Variants in VAV3 observed in about 807,000 individuals in gnomAD.
VAV3 encodes the protein vav guanine nucleotide exchange factor 3.
VAV3 carries 94 observed loss-of-function variants against 131.2 expected under a neutral mutation model. The ratio of observed to expected loss-of-function variants is 0.72; its 90% confidence interval spans 0.61 to 0.85. The LOEUF (loss-of-function observed/expected upper bound fraction) is 0.85, where lower values mean the gene tolerates loss of function less well. Among genes scored for constraint, VAV3 ranks in the 40% least tolerant of loss-of-function variants. The pLI is 0.00. For synonymous variants in VAV3, 349 were observed against 342.0 expected, an observed-to-expected ratio of 1.02 and a Z score of -0.22; for missense variants, 939 against 1,002.7, an observed-to-expected ratio of 0.94 and a Z score of 0.86.
chr1:107,620,306 G>T (rs1264368161), intron 20 of VAV3, among the ~76,000 whole-genome samples: 1 of 152,116 alleles, frequency 6.6e-6, no homozygotes, highest in East Asian at 1.9e-4. Flanking sequence ...GCCACATGAT[G>T]ACATGTCAGT....
intron 1 of VAV3, among the ~76,000 whole-genome samples, chr1:107,879,972 G>A (rs552847305): frequency 6.6e-6 from 1 of 152,220 alleles, no homozygotes; most frequent in Admixed American, 6.5e-5. Context: ...ATCCCCAATT[G>A]GGTAGTGATT....
chr1:107,655,179 A>G lies in VAV3; in HGVS notation c.1778-12424T>C, dbSNP rs182153067. On this transcript the variant is annotated intron_variant, in intron 19 of 26. Transcript: ENST00000370056. ...ACACAAAGCCAAAGCAATCCTGGAC[A>G]AATGGAATAAAGCTGGAGATATCAC... Among the ~76,000 whole-genome samples, 57 of 152,264 alleles carry G rather than the reference A, an allele frequency of 3.7e-4. No individual in the cohort carries two copies. The Middle Eastern group carries it at 0.01, about 27-fold the overall frequency.
At chr1:107,853,538 T>C (rs1443979082) in intron 2 of VAV3, among the ~76,000 whole-genome samples, 1 of 152,022 alleles carries the variant, frequency 6.6e-6, no homozygotes, top group African/African-American at 2.4e-5. Context: ...CAAGTTCTTG[T>C]TTCTATACTC....
intron 15 of VAV3, among the ~76,000 whole-genome samples, chr1:107,707,404 A>T (rs888469042): frequency 6.6e-6 from 1 of 152,140 alleles, no homozygotes; most frequent in Non-Finnish European, 1.5e-5. Context: ...TACCAATAAA[A>T]CCAAACTCAT....
At chr1:107,712,908 A>C (rs551111567) in intron 15 of VAV3, among the ~76,000 whole-genome samples, 1 of 152,370 alleles carries the variant, frequency 6.6e-6, no homozygotes, top group East Asian at 1.9e-4. Flanking sequence ...TTACCACAGA[A>C]GGATTTTCTA....
chr1:107,834,673 A>G (rs1668394050), intron 2 of VAV3, among the ~76,000 whole-genome samples: 1 of 151,554 alleles, frequency 6.6e-6, no homozygotes, highest in African/African-American at 2.4e-5. Context: ...AGACCAAAAT[A>G]TTGAGTAAAC....
At chr1:107,796,627 T>G (rs969737085) in intron 2 of VAV3, among the ~76,000 whole-genome samples, 1 of 152,016 alleles carries the variant, frequency 6.6e-6, no homozygotes, top group Non-Finnish European at 1.5e-5. Flanking sequence ...ATGAATCTGT[T>G]TGGGGCCTAA....
intron 19 of VAV3, among the ~76,000 whole-genome samples, chr1:107,664,166 T>C (rs1355342470): frequency 6.6e-6 from 1 of 152,208 alleles, no homozygotes; most frequent in Non-Finnish European, 1.5e-5. Flanking sequence ...GTACAATCAC[T>C]CTTTGCCCTC....
chr1:107,634,965 AAAC>A (rs1292481625), intron 20 of VAV3, among the ~76,000 whole-genome samples: 1 of 151,734 alleles, frequency 6.6e-6, no homozygotes, highest in African/African-American at 2.4e-5. Context: ...AAAAGTCAGG[AAAC>A]AACAGGTGCT....
At chr1:107,849,023 A>G (rs1669104959) in intron 2 of VAV3, among the ~76,000 whole-genome samples, 1 of 152,182 alleles carries the variant, frequency 6.6e-6, no homozygotes, top group South Asian at 2.1e-4. Context: ...AAGGGATGTG[A>G]AGGACCTCTT....
chr1:107,778,651 G>A lies in VAV3; in HGVS notation c.380+783C>T, dbSNP rs183884387. Among the ~76,000 whole-genome samples, 48 of 152,286 alleles carry A rather than the reference G, an allele frequency of 3.2e-4. 1 individual carries two copies. The East Asian group carries it at 8.9e-3, about 28-fold the overall frequency. On this transcript the variant is annotated intron_variant, in intron 3 of 26. Coordinates refer to ENST00000370056, the MANE Select transcript of VAV3 (RefSeq NM_006113.5). The stretch of plus-strand genomic sequence containing the variant: ...GCTTGGATCCTCTCTCCCTTAGAAT[G>A]TGAATGTGAGCTGGACACAGAAAAA...
At chr1:107,587,646 A>G (rs1470241674) in intron 25 of VAV3, among the ~76,000 whole-genome samples, 1 of 152,196 alleles carries the variant, frequency 6.6e-6, no homozygotes, top group African/African-American at 2.4e-5. Context: ...GCTGGAGTGC[A>G]GTGGCACCAT....
intron 1 of VAV3, among the ~76,000 whole-genome samples, chr1:107,914,305 G>C (rs961452352): frequency 6.6e-6 from 1 of 152,134 alleles, no homozygotes. Context: ...GTTTTATCTC[G>C]CAACAGTGAC....
In VAV3 at chr1:107,749,069, A is replaced by AT. The variant is rs1557817594; in HGVS notation, c.1400dup (p.Tyr467Ter). 2.5e-6 allele frequency: 4 copies of AT among 1,592,000 alleles called. No homozygotes were observed. The highest frequency in any genetic ancestry group is 3.4e-6 in the Non-Finnish European group (4 of 1,167,246). Residue 467 changes from tyrosine (Y) to a stop codon, truncating the protein, a stop_gained and frameshift_variant, in exon 15 of 27, where the codon TAT becomes TAAT. Coordinates refer to ENST00000370056, the MANE Select transcript of VAV3 (RefSeq NM_006113.5). LOFTEE classifies it high-confidence loss of function. ...CTTGGGTATGGATGAGGTAGAAGCC[A>AT]TAAGACCACTGTTAAAATTAATATT... ...TTDKENKKWS[Y>*]GFYLIHTQGQ...
chr1:107,673,602 G>T (rs1657976291), intron 19 of VAV3: 3 of 152,140 alleles, frequency 2.0e-5, no homozygotes, highest in African/African-American at 4.8e-5. Flanking sequence ...TTTGCTCCAG[G>T]ACATAGGGAG....
Position 107,964,742 on chromosome 1 carries a change from A to T in VAV3, c.128T>A (p.Leu43His), listed in dbSNP as rs1042893452. ...LAQTLRDGVL[L>H]CQLLNNLRAH... ...CCGGAGGTTGTTAAGCAGCTGGCAG[A>T]GCAGGACTCCATCGCGGAGGGTCTG... The change falls in exon 1 of 27, where the codon CTC becomes CAC. Residue 43 changes from leucine to histidine, a missense_variant. Leu to His is a moderately conservative substitution (Grantham distance 99). Coordinates refer to ENST00000370056, the MANE Select transcript of VAV3 (RefSeq NM_006113.5). 1.9e-6 allele frequency: 3 copies of T among 1,614,114 alleles called. No homozygotes were observed. Among genetic ancestry groups the T allele is most frequent in the Non-Finnish European group, 2.5e-6 (3 of 1,180,024 alleles).
intron 19 of VAV3, among the ~76,000 whole-genome samples, chr1:107,666,378 G>A (rs1657407694): frequency 6.6e-6 from 1 of 152,142 alleles, no homozygotes; most frequent in Admixed American, 6.5e-5. Flanking sequence ...AGAGTGACCT[G>A]AAGCAAGGTG....
At chr1:107,699,132 C>A (rs976869052) in intron 17 of VAV3, among the ~76,000 whole-genome samples, 8 of 152,188 alleles carry the variant, frequency 5.3e-5, no homozygotes, top group South Asian at 2.1e-4. Context: ...CTCAAAAGTC[C>A]ACAGTTCAAA....
intron 1 of VAV3, among the ~76,000 whole-genome samples, chr1:107,946,776 TA>T (rs1674281626): frequency 6.6e-6 from 1 of 152,350 alleles, no homozygotes; most frequent in Admixed American, 6.5e-5. Flanking sequence ...CAGTGTCTTC[TA>T]AAATTCTTCA....
Sources: allele counts gnomAD v4.1 joint callset (sites outside exome capture counted in the v4.1 genomes callset), GRCh38; gene constraint gnomAD v4.1.1; transcripts MANE v1.5; gene names NCBI Gene and HGNC (gene_info 2026-07-23, HGNC 2026-07-21).